PACS1: variants seen among roughly 807,000 people sequenced by gnomAD.
PACS1 encodes the protein PACS-1.
In PACS1, 24 loss-of-function variants were observed where a neutral mutation model predicts 115.0. The ratio of observed to expected loss-of-function variants is 0.21; its 90% confidence interval spans 0.15 to 0.29. PACS1 has a LOEUF of 0.29. Ranked by LOEUF, PACS1 falls within the 10% of genes least tolerant of loss-of-function variation. The pLI, the probability that PACS1 is intolerant of heterozygous loss-of-function variation, is 1.00. For synonymous variants in PACS1, 453 were observed against 504.5 expected, an observed-to-expected ratio of 0.90 and a Z score of 1.37; for missense variants, 838 against 1,251.2, an observed-to-expected ratio of 0.67 and a Z score of 4.98.
chr11:66,217,720 C>T, intron 7 of PACS1: 2 of 418,948 alleles, frequency 4.8e-6, no homozygotes, highest in Non-Finnish European at 9.7e-6. Context: ...AATTGGTGCT[C>T]CAAATGGTCC....
intron 1 of PACS1, among the ~76,000 whole-genome samples, chr11:66,098,746 C>G (rs745662755): frequency 3.9e-5 from 6 of 152,198 alleles, no homozygotes; most frequent in Non-Finnish European, 7.4e-5. Context: ...CTGGGATCAT[C>G]CTTTGTCATC....
rs1196530886 is a variant in PACS1 at position 66,216,914 on chromosome 11, A to G, written c.978+139A>G. 22 of 629,814 alleles carry G rather than the reference A, an allele frequency of 3.5e-5. 2 individuals are homozygous for G. Among genetic ancestry groups the G allele is most frequent in the South Asian group, 2.9e-4 (16 of 55,016 alleles). The allele number at this position is 629,814 out of a possible 1,614,324, so 39.0% of individuals were successfully genotyped here. On this transcript the variant is annotated intron_variant, in intron 7 of 23. Transcript: ENST00000320580. ...CTTCAACGATTCCAATGAACGCTCTATATCCTCACCACCGCCCAATTAGAC... is the reference window on the plus strand; with the variant it reads ...CTTCAACGATTCCAATGAACGCTCTGTATCCTCACCACCGCCCAATTAGAC...
At chr11:66,239,357 T>A (rs1403858679) in intron 21 of PACS1, 80 bp downstream of exon 21, 15 of 1,507,554 alleles carry the variant, frequency 9.9e-6, no homozygotes, top group Non-Finnish European at 1.3e-5. Flanking sequence ...GCGCATGGGC[T>A]TAGAAGGTAG....
At chr11:66,179,762 ACTTTTT>A (rs982837084) in intron 1 of PACS1, among the ~76,000 whole-genome samples, 2 of 152,192 alleles carry the variant, frequency 1.3e-5, no homozygotes, top group Non-Finnish European at 2.9e-5. Flanking sequence ...AACCATAGGT[ACTTTTT>A]CTTTAAGTGC....
intron 1 of PACS1, among the ~76,000 whole-genome samples, chr11:66,109,339 C>G (rs1305349819): frequency 6.6e-6 from 1 of 152,086 alleles, no homozygotes; most frequent in Non-Finnish European, 1.5e-5. Flanking sequence ...AGGTGGATCA[C>G]TTGAGCCAAG....
chr11:66,128,944 AGCCTGG>A (rs1180763523), intron 1 of PACS1, among the ~76,000 whole-genome samples: 10 of 150,432 alleles, frequency 6.6e-5, no homozygotes, highest in African/African-American at 2.0e-4. Flanking sequence ...GGTTGCCTGG[AGCCTGG>A]GTAAAGGGGT....
At position 66,235,078 on chromosome 11, in the gene PACS1, G is replaced by A. The variant is rs1014477563; in HGVS notation, c.2105-223G>A. Among the ~76,000 whole-genome samples the A allele has an allele frequency of 2.6e-5, 4 of 152,110 alleles. No individual in the cohort carries two copies. Among genetic ancestry groups the A allele is most frequent in the African/African-American group, 9.7e-5 (4 of 41,410 alleles). ...AGTGGACATGAGAAGAAGGGTGTGC[G>A]TGGCCCAAGAAAGAGCAGGGCTTTG... On this transcript the variant is annotated intron_variant, in intron 17 of 23. Transcript: ENST00000320580. This position sits in a 1 kb window ranked among gnomAD's most constrained non-coding sequence, Gnocchi z 5.6.
intron 1 of PACS1, among the ~76,000 whole-genome samples, chr11:66,152,841 A>G (rs1476350949): frequency 6.6e-6 from 1 of 152,268 alleles, no homozygotes; most frequent in African/African-American, 2.4e-5. Context: ...ACACTGGAAC[A>G]GTATAGTCAA....
At chr11:66,127,533 TCTC>T (rs1858609137) in intron 1 of PACS1, among the ~76,000 whole-genome samples, 1 of 152,194 alleles carries the variant, frequency 6.6e-6, no homozygotes, top group Non-Finnish European at 1.5e-5. Context: ...GAAGGCTTCT[TCTC>T]TGTGTAACTG....
intron 22 of PACS1, among the ~76,000 whole-genome samples, chr11:66,242,559 G>A (rs1214413511): frequency 6.6e-6 from 1 of 152,218 alleles, no homozygotes; most frequent in Non-Finnish European, 1.5e-5. Context: ...TGCTGCACTG[G>A]CTCCTGCATA....
intron 1 of PACS1, among the ~76,000 whole-genome samples, chr11:66,136,409 A>AATT (rs1246962496): frequency 6.6e-6 from 1 of 151,940 alleles, no homozygotes; most frequent in Non-Finnish European, 1.5e-5. Flanking sequence ...GATTTAACAA[A>AATT]ACCTTCATAT....
chr11:66,126,334 G>A (rs1024881053), intron 1 of PACS1, among the ~76,000 whole-genome samples: 26 of 152,112 alleles, frequency 1.7e-4, no homozygotes, highest in African/African-American at 6.3e-4. Flanking sequence ...TCTGAAACAC[G>A]CTTGTGTTAG....
chr11:66,147,081 G>C (rs1360097503), intron 1 of PACS1, among the ~76,000 whole-genome samples: 2 of 152,112 alleles, frequency 1.3e-5, no homozygotes, highest in East Asian at 3.9e-4. Context: ...AAGACAAAAA[G>C]AATAAGAATG....
chr11:66,160,663 A>ATTTTT (rs58145434), intron 1 of PACS1, among the ~76,000 whole-genome samples: 1 of 116,214 alleles, frequency 8.6e-6, no homozygotes, highest in Non-Finnish European at 1.7e-5. Flanking sequence ...TGCCTGGCTG[A>ATTTTT]TTTTTTTTTT....
At chr11:66,200,470 G>GAAAC (rs1447359827) in intron 2 of PACS1, among the ~76,000 whole-genome samples, 41 of 148,480 alleles carry the variant, frequency 2.8e-4, no homozygotes, top group African/African-American at 8.9e-4. Context: ...TATGCAAATG[G>GAAAC]AAACAAACAA....
intron 1 of PACS1, among the ~76,000 whole-genome samples, chr11:66,186,930 G>A (rs1854390654): frequency 6.6e-6 from 1 of 152,192 alleles, no homozygotes; most frequent in Admixed American, 6.5e-5. Flanking sequence ...CTTGGTCACT[G>A]TACTGGCATC....
chr11:66,193,460 A>G (rs1854576402), intron 1 of PACS1, 26 bp from the exon 2 acceptor site: 2 of 1,521,432 alleles, frequency 1.3e-6, no homozygotes, highest in Non-Finnish European at 1.8e-6. Context: ...CGCATATGAC[A>G]GCATCTTCCT....
At chr11:66,165,870 C>CCTGA (rs1859588610) in intron 1 of PACS1, among the ~76,000 whole-genome samples, 1 of 152,108 alleles carries the variant, frequency 6.6e-6, no homozygotes, top group African/African-American at 2.4e-5. Flanking sequence ...TATCAGTGTT[C>CCTGA]CTGAGTTCCA....
rs1858871179 is a variant in PACS1, at chr11:66,137,356, C to T, written c.357-56130C>T. ...GGGGTTCAAATTAATTTTTTTCCAG[C>T]TAGCTGTCTAGTTACTCCAACATTA... On this transcript the variant is annotated intron_variant, in intron 1 of 23. Transcript: ENST00000320580. Among the ~76,000 whole-genome samples, 8 of 152,104 alleles carry T rather than the reference C, an allele frequency of 5.3e-5. No individual in the cohort carries two copies. The South Asian group carries it at 1.7e-3, about 32-fold the overall frequency.
Sources: allele counts gnomAD v4.1 joint callset (sites outside exome capture counted in the v4.1 genomes callset), GRCh38; gene constraint gnomAD v4.1.1; non-coding constraint Gnocchi (gnomAD v3.1); transcripts MANE v1.5; gene names NCBI Gene and HGNC (gene_info 2026-07-23, HGNC 2026-07-21).